CTNNAL1: variants seen among roughly 807,000 people sequenced by gnomAD.
CTNNAL1 encodes catenin alpha like 1.
A neutral mutation model predicts 93.6 loss-of-function variants in CTNNAL1; 69 were observed. That is an observed-to-expected ratio of 0.74 (90% CI 0.61 to 0.90). The LOEUF (loss-of-function observed/expected upper bound fraction) is 0.90. Among genes scored for constraint, CTNNAL1 ranks in the 40% least tolerant of loss-of-function variants. The pLI is 0.00. For missense variants in CTNNAL1, 836 were observed against 862.0 expected (o/e 0.97, Z 0.38); for synonymous variants, 286 against 305.4 (o/e 0.94, Z 0.66).
chr9:108,972,864 G>GGGGGGCCCCCC, intron 8 of CTNNAL1, 31 bp from the exon 9 acceptor site: 112 of 141,778 alleles, frequency 7.9e-4, no homozygotes, highest in Non-Finnish European at 1.0e-3. Context: ...GGGGGGGTGG[G>GGGGGGCCCCCC]AGGGTGGAGA....
At position 109,004,790 on chromosome 9, in the gene CTNNAL1, AAAATAAAT is replaced by A. The variant is rs905373905; in HGVS notation, c.142-5542_142-5535del. Among the ~76,000 whole-genome samples, 13 of 151,970 alleles carry A rather than the reference AAAATAAAT, an allele frequency of 8.6e-5. No individual in the cohort carries two copies. In the East Asian group the frequency reaches 2.1e-3, roughly 25 times the overall value. The stretch of plus-strand genomic sequence containing the variant: ...GACAGAGCGAGACTCTGTCTTGAAA[AAAATAAAT>A]AAATAAATAAATAAATAAGAAGAGT... On this transcript the variant is annotated intron_variant, in intron 1 of 18. Coordinates refer to ENST00000325551, the MANE Select transcript of CTNNAL1 (RefSeq NM_003798.4).
intron 11 of CTNNAL1, among the ~76,000 whole-genome samples, chr9:108,962,690 T>C (rs1041068225): frequency 2.0e-5 from 3 of 152,100 alleles, no homozygotes; most frequent in South Asian, 4.2e-4. Context: ...GTAAGAGAAA[T>C]TGGACCTAAT....
intron 10 of CTNNAL1, among the ~76,000 whole-genome samples, chr9:108,969,197 G>T (rs1451630812): frequency 6.6e-6 from 1 of 151,890 alleles, no homozygotes. Context: ...TTGAACCTAG[G>T]AGGCGGAGGT....
chr9:109,011,293 G>A (rs1207470751), intron 1 of CTNNAL1, among the ~76,000 whole-genome samples: 1 of 151,916 alleles, frequency 6.6e-6, no homozygotes, highest in African/African-American at 2.4e-5. Context: ...TGTTGTGGTA[G>A]AGATGTAGCT....
intron 2 of CTNNAL1, among the ~76,000 whole-genome samples, chr9:108,995,995 G>T (rs1413319392): frequency 6.6e-6 from 1 of 150,812 alleles, no homozygotes; most frequent in African/African-American, 2.4e-5. Flanking sequence ...GTCTCTCTCT[G>T]TCATCTCCCA....
intron 1 of CTNNAL1, among the ~76,000 whole-genome samples, chr9:109,001,691 A>C (rs1475350226): frequency 6.6e-5 from 10 of 152,220 alleles, no homozygotes; most frequent in Admixed American, 5.9e-4. Context: ...CTGAGGCTTC[A>C]TGTCAACAGC....
chr9:108,986,133 C>T (rs1230719695), intron 4 of CTNNAL1, among the ~76,000 whole-genome samples: 2 of 150,414 alleles, frequency 1.3e-5, no homozygotes, highest in Admixed American at 6.6e-5. Flanking sequence ...CCCATTAACT[C>T]GTCATTTAGC....
rs769116123 is a variant in CTNNAL1 at position 108,999,055 on chromosome 9, A to G, written c.331+12T>C. On this transcript the variant is annotated intron_variant, in intron 2 of 18. Transcript: ENST00000325551. ...GTGGTATGAATAGTCTTCAAAATCA[A>G]TATCCACCTACCTGCTTGTTTAGCT... is the stretch of plus-strand genomic sequence containing the variant. 1.9e-6 allele frequency: 3 copies of G among 1,589,680 alleles called. No homozygotes were observed. The highest frequency in any genetic ancestry group is 1.8e-5 in the Admixed American group (1 of 54,724).
chr9:108,976,417 G>A (rs1211208836), intron 8 of CTNNAL1, among the ~76,000 whole-genome samples: 1 of 152,016 alleles, frequency 6.6e-6, no homozygotes, highest in Non-Finnish European at 1.5e-5. Flanking sequence ...TGGAATTCTA[G>A]GTTATTAGTT....
intron 8 of CTNNAL1, among the ~76,000 whole-genome samples, chr9:108,975,023 C>A (rs1831223777): frequency 6.6e-6 from 1 of 151,578 alleles, no homozygotes; most frequent in Non-Finnish European, 1.5e-5. Context: ...ATTAGCTGGG[C>A]GTGGTGGCGT....
chr9:108,965,176 C>G (rs546664666), intron 11 of CTNNAL1, among the ~76,000 whole-genome samples: 9 of 152,118 alleles, frequency 5.9e-5, no homozygotes, highest in African/African-American at 2.2e-4. Flanking sequence ...CACTGTTGTA[C>G]AACAAACTTT....
chr9:108,951,205 C>T (rs979285543), intron 14 of CTNNAL1, among the ~76,000 whole-genome samples: 1 of 150,792 alleles, frequency 6.6e-6, no homozygotes, highest in Non-Finnish European at 1.5e-5. Context: ...TAAGTAGACA[C>T]CGGGTTTCAG....
chr9:108,986,709 T>C (rs1431840647), intron 4 of CTNNAL1, among the ~76,000 whole-genome samples: 2 of 152,084 alleles, frequency 1.3e-5, no homozygotes, highest in Non-Finnish European at 2.9e-5. Context: ...GACTTTTTAA[T>C]GATTGCCATT....
At chr9:108,974,811 C>G (rs555737849) in intron 8 of CTNNAL1, among the ~76,000 whole-genome samples, 17 of 152,106 alleles carry the variant, frequency 1.1e-4, no homozygotes, top group African/African-American at 4.1e-4. Context: ...AAAGTGAGAC[C>G]CCATCTCAAA....
chr9:108,951,311 G>A (rs547833321), intron 14 of CTNNAL1, among the ~76,000 whole-genome samples: 12 of 151,728 alleles, frequency 7.9e-5, no homozygotes, highest in East Asian at 1.9e-4. Flanking sequence ...CACCATGCCC[G>A]GCAGGGGGTG....
intron 15 of CTNNAL1, among the ~76,000 whole-genome samples, chr9:108,944,254 C>T (rs189991834): frequency 2.8e-4 from 42 of 152,308 alleles, no homozygotes; most frequent in African/African-American, 9.6e-4. Context: ...TTCTCTACAC[C>T]AGACCTCCAA....
intron 15 of CTNNAL1, 21 bp from the exon 16 acceptor site, chr9:108,944,039 C>G (rs1830327247): frequency 6.2e-7 from 1 of 1,608,262 alleles, no homozygotes; most frequent in African/African-American, 1.3e-5. Context: ...GAGAAAACAC[C>G]ACTATTTTAG....
chr9:108,949,932 G>A (rs1830509734), intron 14 of CTNNAL1, among the ~76,000 whole-genome samples: 1 of 151,006 alleles, frequency 6.6e-6, no homozygotes, highest in African/African-American at 2.4e-5. Context: ...GCTAAGGCAT[G>A]AGAATTGCTT....
At chr9:109,013,129 C>T (rs1247574740) in intron 1 of CTNNAL1, among the ~76,000 whole-genome samples, 173 bp downstream of exon 1, 1 of 152,204 alleles carries the variant, frequency 6.6e-6, no homozygotes, top group East Asian at 1.9e-4. Flanking sequence ...AGTCTCTCGC[C>T]GCCCGGGCCG....
Sources: gnomAD v4.1 joint callset for allele counts (sites outside exome capture counted in the v4.1 genomes callset) on GRCh38, gnomAD v4.1.1 for gene constraint, MANE v1.5 for transcripts, NCBI Gene and HGNC (gene_info 2026-07-23, HGNC 2026-07-21) for gene names.